SRGAP3: variants seen among roughly 807,000 people sequenced by gnomAD.
SRGAP3 encodes the protein SLIT-ROBO Rho GTPase activating protein 3, also known as SLIT-ROBO Rho GTPase-activating protein 3.
SRGAP3 carries 39 observed loss-of-function variants against 121.1 expected under a neutral mutation model. The observed-to-expected ratio is 0.32, with a 90% CI of 0.25 to 0.42. The LOEUF is 0.42. Ranked by LOEUF, SRGAP3 falls within the 10% of genes least tolerant of loss-of-function variation. The pLI is 1.00. For synonymous variants in SRGAP3, 601 were observed against 570.0 expected, an observed-to-expected ratio of 1.05 and a Z score of -0.77; for missense variants, 1,213 against 1,470.6, an observed-to-expected ratio of 0.82 and a Z score of 2.86.
rs1559819716 is a variant in SRGAP3, at chr3:8,980,696, G to A, written c.*4823C>T. Reference sequence around the variant, plus strand: ...GATCCAATCAGACACTCTATAGGACGGGCGTTTGGTCGTAAGGTAGAGAAA... The same window carrying A: ...GATCCAATCAGACACTCTATAGGACAGGCGTTTGGTCGTAAGGTAGAGAAA... On this transcript the variant is annotated 3_prime_UTR_variant, in exon 22 of 22. Coordinates refer to ENST00000383836, the MANE Select transcript of SRGAP3 (RefSeq NM_014850.4). 1 of 232,516 alleles carries A rather than the reference G, an allele frequency of 4.3e-6. No individual in the cohort carries two copies. Among genetic ancestry groups the A allele is most frequent in the Admixed American group, 5.6e-5 (1 of 17,764 alleles). The allele number at this position is 232,516 out of a possible 1,614,324, so 14.4% of individuals were successfully genotyped here.
At chr3:9,185,536 TC>T (rs1196150129) in intron 1 of SRGAP3, among the ~76,000 whole-genome samples, 1 of 151,832 alleles carries the variant, frequency 6.6e-6, no homozygotes, top group Non-Finnish European at 1.5e-5. Flanking sequence ...CTTCCTTATT[TC>T]TTTTTTTTTT....
chr3:9,042,402 G>C (rs1945061502), intron 10 of SRGAP3, among the ~76,000 whole-genome samples: 1 of 143,866 alleles, frequency 7.0e-6, no homozygotes, highest in South Asian at 2.2e-4. Context: ...AACATTAAAA[G>C]ACTTTTAGAA....
chr3:9,193,527 G>A (rs886471784), intron 1 of SRGAP3: 6 of 152,422 alleles, frequency 3.9e-5, no homozygotes, highest in East Asian at 3.9e-4. Flanking sequence ...ACAGCTATGC[G>A]AGGAGGTTTC....
At chr3:9,191,888 C>G (rs911417335) in intron 1 of SRGAP3, among the ~76,000 whole-genome samples, 3 of 152,152 alleles carry the variant, frequency 2.0e-5, no homozygotes, top group Admixed American at 1.3e-4. Context: ...CATCTCCCCC[C>G]TCACTTTCTC....
Position 9,056,319 on chromosome 3 carries a change from C to G in SRGAP3, c.1039G>C (p.Ala347Pro). 2 of 1,613,212 alleles carry G rather than the reference C, an allele frequency of 1.2e-6. No individual in the cohort carries two copies. The highest frequency in any genetic ancestry group is 1.7e-6 in the Non-Finnish European group (2 of 1,179,910). Residue 347 changes from alanine (A) to proline (P), a missense_variant, in exon 8 of 22, where the codon GCT (alanine) becomes CCT (proline). Around this residue, in one of 2 missense-constraint regions of SRGAP3, gnomAD observed 793 missense variants for 1,032.9 expected, o/e 0.77. Transcript: ENST00000383836. The stretch of plus-strand genomic sequence containing the variant: ...AGTTCTGTCTGGACGGGCTGCTGAG[C>G]GCTGACCTGGCAGACCTGCAGGAAT... The part of the protein sequence containing the change: ...HMGDEVCQVS[A>P]QQPVQTELLM...
intron 18 of SRGAP3, among the ~76,000 whole-genome samples, chr3:9,005,468 T>A (rs1943018603): frequency 6.6e-6 from 1 of 151,136 alleles, no homozygotes; most frequent in Non-Finnish European, 1.5e-5. Flanking sequence ...ATACAAAAAC[T>A]TGCACACACA....
chr3:9,010,008 C>A (rs1002056923), intron 18 of SRGAP3, among the ~76,000 whole-genome samples: 3 of 152,160 alleles, frequency 2.0e-5, no homozygotes, highest in Non-Finnish European at 4.4e-5. Context: ...ACTTAGGGAA[C>A]TCATGTCTCT....
At chr3:9,198,169 A>G (rs1362073039) in intron 1 of SRGAP3, among the ~76,000 whole-genome samples, 6 of 152,232 alleles carry the variant, frequency 3.9e-5, no homozygotes, top group Admixed American at 3.9e-4. Flanking sequence ...ACTGGATGAC[A>G]AGGCTTTCTG....
At chr3:9,152,640 A>G (rs1407819467) in intron 1 of SRGAP3, among the ~76,000 whole-genome samples, 1 of 152,130 alleles carries the variant, frequency 6.6e-6, no homozygotes, top group African/African-American at 2.4e-5. Context: ...CTCCATTCCC[A>G]AGCTTCCAGT....
At chr3:8,986,739 T>A (rs959925219) in intron 21 of SRGAP3, among the ~76,000 whole-genome samples, 14 of 152,212 alleles carry the variant, frequency 9.2e-5, no homozygotes, top group African/African-American at 1.2e-4. Flanking sequence ...AAAATTTTTT[T>A]AAAAAGTGGA....
intron 1 of SRGAP3, among the ~76,000 whole-genome samples, chr3:9,212,293 G>C (rs1952473615): frequency 6.6e-6 from 1 of 152,196 alleles, no homozygotes; most frequent in Admixed American, 6.5e-5. Context: ...TGTGTGCATA[G>C]TGGATGATGG....
At chr3:9,302,134 T>TA (rs918300728) in intron 3 of SRGAP3, among the ~76,000 whole-genome samples, 17 of 152,284 alleles carry the variant, frequency 1.1e-4, no homozygotes, top group African/African-American at 4.1e-4. Context: ...AGGTAAGTAT[T>TA]ACTATTCCCA....
At chr3:9,176,738 A>G (rs894595789) in intron 1 of SRGAP3, among the ~76,000 whole-genome samples, 6 of 152,068 alleles carry the variant, frequency 3.9e-5, no homozygotes, top group African/African-American at 1.2e-4. Flanking sequence ...GCGGGGAGGA[A>G]CCACACACTT....
chr3:9,060,490 G>C, intron 5 of SRGAP3, 131 bp from the exon 6 acceptor site: 1 of 1,233,494 alleles, frequency 8.1e-7, no homozygotes, highest in Non-Finnish European at 1.1e-6. Flanking sequence ...GCAGTGGTGT[G>C]ATCATAGCTC....
At chr3:9,195,426 A>G (rs1010220323) in intron 1 of SRGAP3, among the ~76,000 whole-genome samples, 1 of 152,144 alleles carries the variant, frequency 6.6e-6, no homozygotes, top group African/African-American at 2.4e-5. Context: ...GACTGATGAC[A>G]TGAGGATACA....
At chr3:9,255,996 T>C (rs1035555238) in intron 3 of SRGAP3, among the ~76,000 whole-genome samples, 1 of 152,164 alleles carries the variant, frequency 6.6e-6, no homozygotes, top group Non-Finnish European at 1.5e-5. Flanking sequence ...TCAAGTCACC[T>C]GACCCTGCAT....
intron 1 of SRGAP3, among the ~76,000 whole-genome samples, chr3:9,196,419 G>T (rs953877493): frequency 6.6e-6 from 1 of 152,192 alleles, no homozygotes; most frequent in African/African-American, 2.4e-5. Flanking sequence ...ATCATTTACT[G>T]CCACTGATGG....
intron 1 of SRGAP3, among the ~76,000 whole-genome samples, chr3:9,224,207 C>T (rs1410353347): frequency 6.6e-6 from 1 of 152,204 alleles, no homozygotes; most frequent in Non-Finnish European, 1.5e-5. Flanking sequence ...CTCATTTAGA[C>T]ATGAGACTTG....
In SRGAP3 at chr3:9,025,180, C is replaced by A. The variant is rs558825313; in HGVS notation, c.1678+81G>T. 8 of 1,486,688 alleles carry A rather than the reference C, an allele frequency of 5.4e-6. No individual in the cohort carries two copies. The South Asian group carries it at 7.9e-5, about 15-fold the overall frequency. The allele number at this position is 1,486,688 out of a possible 1,614,324, so 92.1% of individuals were successfully genotyped here. ...AAACCACTGCAGGCTGGCTTCTGCA[C>A]ACCACTGGCTCTGAGACACACGTGA... is the stretch of plus-strand genomic sequence containing the variant. On this transcript the variant is annotated intron_variant, in intron 14 of 21. Coordinates refer to ENST00000383836, the MANE Select transcript of SRGAP3 (RefSeq NM_014850.4).
Sources: gnomAD v4.1 joint callset for allele counts (sites outside exome capture counted in the v4.1 genomes callset) on GRCh38, gnomAD v4.1.1 for gene constraint, gnomAD v4.1.1 regional missense constraint, MANE v1.5 for transcripts, NCBI Gene and HGNC (gene_info 2026-07-23, HGNC 2026-07-21) for gene names.